PKP4: variants seen among roughly 807,000 people sequenced by gnomAD.
PKP4 encodes the protein plakophilin 4.
In PKP4, 90 loss-of-function variants were observed where a neutral mutation model predicts 145.1. The ratio of observed to expected loss-of-function variants is 0.62; its 90% CI spans 0.52 to 0.74. The LOEUF (loss-of-function observed/expected upper bound fraction) is 0.74. Among genes scored for constraint, PKP4 ranks in the 30% least tolerant of loss-of-function variants. PKP4 has a pLI of 0.00. For missense variants in PKP4, 1,340 were observed against 1,482.7 expected, an observed-to-expected ratio of 0.90 and a Z score of 1.58; for synonymous variants, 563 against 577.2, an observed-to-expected ratio of 0.98 and a Z score of 0.35.
intron 11 of PKP4, among the ~76,000 whole-genome samples, chr2:158,650,124 G>C (rs78518193): frequency 6.6e-6 from 1 of 152,140 alleles, no homozygotes; most frequent in Admixed American, 6.5e-5. Flanking sequence ...GGCCAGGGCC[G>C]CTGCCCCCAC....
At chr2:158,478,282 G>A (rs1361122325) in intron 1 of PKP4, among the ~76,000 whole-genome samples, 1 of 151,772 alleles carries the variant, frequency 6.6e-6, no homozygotes, top group Non-Finnish European at 1.5e-5. Flanking sequence ...GTATTAAGTT[G>A]TATGTTTTGT....
chr2:158,577,605 A>C (rs2047968410), intron 3 of PKP4, among the ~76,000 whole-genome samples: 1 of 152,168 alleles, frequency 6.6e-6, no homozygotes, highest in South Asian at 2.1e-4. Flanking sequence ...TCTGTAGCAA[A>C]AGCTACTGTG....
intron 1 of PKP4, among the ~76,000 whole-genome samples, chr2:158,488,198 A>G (rs556375715): frequency 6.6e-6 from 1 of 152,324 alleles, no homozygotes; most frequent in South Asian, 2.1e-4. Context: ...AAAAAATTGG[A>G]GGCAAGGGGT....
Position 158,621,221 on chromosome 2 carries a change from A to C in PKP4, c.413-10A>C. ...TATAATAAAGATATTTCTTGGTTTC[A>C]TTCTTACAGGATCATTGGGTAACTC... On this transcript the variant is annotated splice_polypyrimidine_tract_variant and intron_variant, in intron 5 of 21. Transcript: ENST00000389759. 1 of 1,614,042 alleles carries C rather than the reference A, an allele frequency of 6.2e-7. No homozygotes were observed. The highest frequency in any genetic ancestry group is 8.5e-7 in the Non-Finnish European group (1 of 1,179,886).
chr2:158,669,795 T>C lies in PKP4; in HGVS notation c.2804T>C (p.Met935Thr), dbSNP rs576829015. Residue 935 changes from methionine (M) to threonine (T), a missense_variant, in exon 17 of 22, where the codon ATG becomes ACG. Coordinates refer to ENST00000389759, the MANE Select transcript of PKP4 (RefSeq NM_003628.6). Reference sequence around the variant, plus strand: ...CCCAGTGTCTTGTCTGATGAGACCATGGCAGCCATCTGCTGTGCTCTGCAC... The same window carrying C: ...CCCAGTGTCTTGTCTGATGAGACCACGGCAGCCATCTGCTGTGCTCTGCAC... ...NGPSVLSDET[M>T]AAICCALHEV... 2 of 1,613,948 alleles carry C rather than the reference T, an allele frequency of 1.2e-6. No homozygotes were observed. Among genetic ancestry groups the C allele is most frequent in the South Asian group, 1.1e-5 (1 of 91,036 alleles).
chr2:158,594,922 G>C (rs994222100), intron 3 of PKP4, among the ~76,000 whole-genome samples: 1 of 152,114 alleles, frequency 6.6e-6, no homozygotes. Context: ...CCTTCAGCTG[G>C]GCAAAGCAGT....
At position 158,621,138 on chromosome 2, in the gene PKP4, T is replaced by C; in HGVS notation, c.412+17T>C. The C allele has an allele frequency of 6.2e-7, 1 of 1,614,074 alleles. No individual in the cohort carries two copies. The highest frequency in any genetic ancestry group is 8.5e-7 in the Non-Finnish European group (1 of 1,179,952). ...AAAGTGAGGGTCTGTTGTGTTATCT[T>C]TTAAGTACTGGATTTGCTTTTAAGA... On this transcript the variant is annotated intron_variant, in intron 5 of 21. Coordinates refer to ENST00000389759, the MANE Select transcript of PKP4 (RefSeq NM_003628.6).
chr2:158,613,983 G>A (rs943129863), intron 4 of PKP4, among the ~76,000 whole-genome samples: 1 of 152,062 alleles, frequency 6.6e-6, no homozygotes, highest in Non-Finnish European at 1.5e-5. Flanking sequence ...CTAAATTGAG[G>A]GACTTAAATC....
intron 10 of PKP4, among the ~76,000 whole-genome samples, chr2:158,642,279 C>T (rs1176856371): frequency 6.6e-6 from 1 of 152,216 alleles, no homozygotes; most frequent in African/African-American, 2.4e-5. Flanking sequence ...CCATCTTGGC[C>T]TCCCAATGTG....
intron 20 of PKP4, chr2:158,677,472 A>C (rs2058104964): frequency 6.1e-6 from 1 of 165,106 alleles, no homozygotes; most frequent in South Asian, 1.6e-4. Context: ...ATACCAGCCC[A>C]AAGGGTTACT....
chr2:158,532,381 A>T (rs1482085185), intron 1 of PKP4, among the ~76,000 whole-genome samples: 2 of 152,248 alleles, frequency 1.3e-5, no homozygotes, highest in Non-Finnish European at 2.9e-5. Flanking sequence ...TATTTAGCAA[A>T]CATTAATTGA....
intron 17 of PKP4, 94 bp downstream of exon 17, chr2:158,670,009 G>A: frequency 3.0e-6 from 3 of 1,013,948 alleles, no homozygotes; most frequent in Non-Finnish European, 4.2e-6. Context: ...CTATTGGAAA[G>A]GATTTATTTT....
chr2:158,549,565 C>T (rs2045410925), intron 2 of PKP4, among the ~76,000 whole-genome samples: 1 of 152,084 alleles, frequency 6.6e-6, no homozygotes, highest in Non-Finnish European at 1.5e-5. Context: ...GGCTGCTGGG[C>T]CTGCAGGTGG....
At chr2:158,491,220 G>GA (rs1267061091) in intron 1 of PKP4, among the ~76,000 whole-genome samples, 19 of 152,026 alleles carry the variant, frequency 1.2e-4, no homozygotes, top group Non-Finnish European at 1.9e-4. Context: ...TCGTAAAAAG[G>GA]GGTGCGTGAT....
intron 3 of PKP4, among the ~76,000 whole-genome samples, chr2:158,580,957 G>A (rs905360758): frequency 6.6e-6 from 1 of 152,168 alleles, no homozygotes; most frequent in African/African-American, 2.4e-5. Flanking sequence ...CATGGCCCTG[G>A]CACAGAGCCT....
intron 11 of PKP4, among the ~76,000 whole-genome samples, chr2:158,656,764 A>C (rs1048765092): frequency 6.6e-6 from 1 of 152,214 alleles, no homozygotes; most frequent in Non-Finnish European, 1.5e-5. Context: ...GTTTAGAGTC[A>C]GAAGATTGTT....
intron 2 of PKP4, among the ~76,000 whole-genome samples, chr2:158,562,239 A>G (rs1004669183): frequency 3.9e-5 from 6 of 152,248 alleles, no homozygotes; most frequent in African/African-American, 1.4e-4. Context: ...GTTTTTAATG[A>G]CAAGTTGTTT....
intron 3 of PKP4, among the ~76,000 whole-genome samples, chr2:158,592,674 C>T (rs1392350945): frequency 6.6e-6 from 1 of 152,054 alleles, no homozygotes; most frequent in African/African-American, 2.4e-5. Flanking sequence ...TTTAGACACA[C>T]ACCAGATTTA....
intron 11 of PKP4, among the ~76,000 whole-genome samples, chr2:158,645,450 T>A (rs1228693705): frequency 6.6e-6 from 1 of 152,196 alleles, no homozygotes; most frequent in African/African-American, 2.4e-5. Context: ...TCATTTGCAT[T>A]ACATGAGTGC....
Sources: allele counts gnomAD v4.1 joint callset (sites outside exome capture counted in the v4.1 genomes callset), GRCh38; gene constraint gnomAD v4.1.1; transcripts MANE v1.5; gene names NCBI Gene and HGNC (gene_info 2026-07-23, HGNC 2026-07-21).